VCPIP1: variants seen among roughly 807,000 people sequenced by gnomAD.
VCPIP1 encodes the protein valosin containing protein interacting protein 1.
A neutral mutation model predicts 85.0 loss-of-function variants in VCPIP1; 8 were observed. The ratio of observed to expected loss-of-function variants is 0.09; its 90% CI spans 0.06 to 0.17. The LOEUF is 0.17. Ranked by LOEUF, VCPIP1 falls within the 10% of genes least tolerant of loss-of-function variation. VCPIP1 has a pLI of 1.00. For synonymous variants in VCPIP1, 543 were observed against 544.5 expected (o/e 1.00, Z 0.04); for missense variants, 1,070 against 1,486.3 (o/e 0.72, Z 4.61).
rs1810862879 is a variant in VCPIP1, at chr8:66,634,365, A to G, written c.*136T>C. On this transcript the variant is annotated 3_prime_UTR_variant, in exon 3 of 3. Coordinates refer to ENST00000310421, the MANE Select transcript of VCPIP1 (RefSeq NM_025054.5). ...TATGGCCAATCACACACTTGCTATC[A>G]TGCACTGAATAACAAGATATAATCT... 9.7e-7 allele frequency: 1 copy of G among 1,034,378 alleles called. No homozygotes were observed. Among genetic ancestry groups the G allele is most frequent in the Non-Finnish European group, 1.4e-6 (1 of 726,966 alleles). 64.1% of individuals were successfully genotyped at this position (1,034,378 alleles called of 1,614,324 possible). A position where few individuals can be genotyped will look rare whatever the true frequency, so the allele number is the denominator to read the frequency against.
At chr8:66,636,787 G>A (rs914193582) in intron 2 of VCPIP1, among the ~76,000 whole-genome samples, 7 of 151,778 alleles carry the variant, frequency 4.6e-5, no homozygotes, top group South Asian at 2.1e-4. Flanking sequence ...CCCAAGAGGC[G>A]GAGGCTGCAG....
At position 66,638,369 on chromosome 8, in the gene VCPIP1, C is replaced by T. The variant is rs1810909520; in HGVS notation, c.2798-2997G>A. On this transcript the variant is annotated intron_variant, in intron 2 of 2. Coordinates refer to ENST00000310421, the MANE Select transcript of VCPIP1 (RefSeq NM_025054.5). ...GGGTGTAGTGGCATATGCCTGTAGTCCCAGCAACCTGGAAGACTGAGGCAG... is the reference window on the plus strand; with the variant it reads ...GGGTGTAGTGGCATATGCCTGTAGTTCCAGCAACCTGGAAGACTGAGGCAG... 2.0e-5 allele frequency among the ~76,000 whole-genome samples: 3 copies of T among 151,986 alleles called. No individual in the cohort carries two copies. In the South Asian group the frequency reaches 6.2e-4, roughly 32 times the overall value.
In VCPIP1 at chr8:66,638,758, G is replaced by A. The variant is rs184893557; in HGVS notation, c.2798-3386C>T. Among the ~76,000 whole-genome samples, 810 of 152,086 alleles carry A rather than the reference G, an allele frequency of 5.3e-3. 5 individuals carry two copies. Among genetic ancestry groups the A allele is most frequent in the African/African-American group, 0.018 (753 of 41,462 alleles). On this transcript the variant is annotated intron_variant, in intron 2 of 2. Coordinates refer to ENST00000310421, the MANE Select transcript of VCPIP1 (RefSeq NM_025054.5). ...CACGCCACTGCACTCCAGCCTGGGC[G>A]ACAGAGCGAGACTCCTGTCTCAAAA...
chr8:66,651,099 C>T (rs1341709269), intron 2 of VCPIP1, among the ~76,000 whole-genome samples: 2 of 146,966 alleles, frequency 1.4e-5, no homozygotes, highest in Non-Finnish European at 3.0e-5. Context: ...GCAGGAGAAT[C>T]GCTTGAACCC....
At chr8:66,657,007 G>A (rs1166704493) in intron 1 of VCPIP1, among the ~76,000 whole-genome samples, 1 of 152,130 alleles carries the variant, frequency 6.6e-6, no homozygotes, top group Non-Finnish European at 1.5e-5. Context: ...CCGGGTTCAA[G>A]CAATTCTCGT....
Position 66,629,084 on chromosome 8 carries a change from A to T in VCPIP1, c.*5417T>A, listed in dbSNP as rs1056420605. 6.6e-6 allele frequency: 1 copy of T among 152,228 alleles called. No individual in the cohort carries two copies. 9.4% of individuals were successfully genotyped at this position (152,228 alleles called of 1,614,324 possible). ...TGAGGATTTATCCCACTTAATGGCA[A>T]CTGAACTCTACCACATTACATTAAC... is the stretch of plus-strand genomic sequence containing the variant. On this transcript the variant is annotated 3_prime_UTR_variant, in exon 3 of 3. Coordinates refer to ENST00000310421, the MANE Select transcript of VCPIP1 (RefSeq NM_025054.5).
Position 66,666,630 on chromosome 8 carries a change from G to A in VCPIP1, c.329C>T (p.Pro110Leu), listed in dbSNP as rs762704418. Residue 110 changes from proline to leucine, a missense_variant, in exon 1 of 3, where the codon CCC becomes CTC. Pro to Leu is a moderately conservative substitution (Grantham distance 98). Transcript: ENST00000310421. The surrounding 1 kb of genome is among the most constrained non-coding windows in gnomAD (Gnocchi z 6.3). ...RNALLGVTGA[P>L]KKNTELVKVM... ...CTTTACCAGTTCCGTGTTCTTCTTG[G>A]GTGCCCCCGTAACCCCGAGCAGCGC... 3 of 1,614,032 alleles carry A rather than the reference G, an allele frequency of 1.9e-6. No individual in the cohort carries two copies. The highest frequency in any genetic ancestry group is 2.7e-5 in the African/African-American group (2 of 74,914).
At chr8:66,651,080 GA>G (rs918310929) in intron 2 of VCPIP1, among the ~76,000 whole-genome samples, 7 of 149,170 alleles carry the variant, frequency 4.7e-5, no homozygotes, top group Non-Finnish European at 8.9e-5. Context: ...AGCTACTCGA[GA>G]AGCTGAGGCA....
intron 1 of VCPIP1, among the ~76,000 whole-genome samples, chr8:66,659,429 A>G (rs1200029788): frequency 4.6e-5 from 7 of 152,188 alleles, no homozygotes; most frequent in Non-Finnish European, 7.3e-5. Flanking sequence ...AATGTAAAAT[A>G]TTATGGGTAA....
chr8:66,661,409 C>A (rs1442694236), intron 1 of VCPIP1, among the ~76,000 whole-genome samples: 14 of 152,132 alleles, frequency 9.2e-5, no homozygotes, highest in Non-Finnish European at 1.0e-4. Flanking sequence ...AGTATTTATA[C>A]ACCAGAATTA....
intron 2 of VCPIP1, among the ~76,000 whole-genome samples, chr8:66,641,515 G>A (rs1276734612): frequency 6.6e-6 from 1 of 152,040 alleles, no homozygotes; most frequent in African/African-American, 2.4e-5. Context: ...ATGAGCTACT[G>A]TGCATAGCCA....
In VCPIP1 at chr8:66,665,518, G is replaced by T; in HGVS notation, c.1441C>A (p.Pro481Thr). 2 of 1,614,112 alleles carry T rather than the reference G, an allele frequency of 1.2e-6. No individual in the cohort carries two copies. The highest frequency in any genetic ancestry group is 1.7e-6 in the Non-Finnish European group (2 of 1,179,982). Reference protein sequence around the residue: ...LCGALSELHVPPEWLAPGGKL... With the variant: ...LCGALSELHVTPEWLAPGGKL... The stretch of plus-strand genomic sequence containing the variant: ...CCTCCAGGAGCCAACCACTCTGGAG[G>T]AACATGAAGTTCAGAAAGGGCACCA... The change falls in exon 1 of 3, where the codon CCT (proline) becomes ACT (threonine). Residue 481 changes from proline to threonine, a missense_variant. Transcript: ENST00000310421. This position sits in a 1 kb window ranked among gnomAD's most constrained non-coding sequence, Gnocchi z 4.3.
chr8:66,637,274 C>G (rs1810896698), intron 2 of VCPIP1, among the ~76,000 whole-genome samples: 1 of 151,974 alleles, frequency 6.6e-6, no homozygotes, highest in African/African-American at 2.4e-5. Flanking sequence ...TCACTGAGCT[C>G]TGGAGTTTTA....
intron 1 of VCPIP1, among the ~76,000 whole-genome samples, chr8:66,654,725 C>A (rs1811083414): frequency 6.6e-6 from 1 of 152,200 alleles, no homozygotes; most frequent in African/African-American, 2.4e-5. Flanking sequence ...GCATTTCTCT[C>A]CAACCCTCCT....
In VCPIP1 at chr8:66,665,155, C is replaced by T; in HGVS notation, c.1804G>A (p.Val602Met). ...FPITLEWGGR[V>M]VRETVYWFQY... ...AACCAATATACTGTTTCTCTGACCA[C>T]TCTTCCACCCCATTCTAAAGTAATA... Residue 602 changes from valine (V) to methionine (M), a missense_variant, in exon 1 of 3, where the codon GTG becomes ATG. Physicochemically the swap from Val to Met is conservative, Grantham distance 21. Coordinates refer to ENST00000310421, the MANE Select transcript of VCPIP1 (RefSeq NM_025054.5). The surrounding 1 kb of genome is among the most constrained non-coding windows in gnomAD (Gnocchi z 4.3). 1.2e-6 allele frequency: 2 copies of T among 1,611,548 alleles called. No individual in the cohort carries two copies. Among genetic ancestry groups the T allele is most frequent in the Non-Finnish European group, 8.5e-7 (1 of 1,178,308 alleles).
intron 1 of VCPIP1, among the ~76,000 whole-genome samples, chr8:66,655,691 A>G (rs1458536521): frequency 6.6e-6 from 1 of 151,546 alleles, no homozygotes; most frequent in Non-Finnish European, 1.5e-5. Context: ...ACAAAATAAT[A>G]GCAAAAAAAA....
intron 1 of VCPIP1, among the ~76,000 whole-genome samples, chr8:66,652,422 T>C (rs540651266): frequency 1.8e-4 from 28 of 152,212 alleles, no homozygotes; most frequent in African/African-American, 6.7e-4. Flanking sequence ...GAGACCAGCC[T>C]GGCCAACATG....
chr8:66,635,445 A>G (rs1810875161), intron 2 of VCPIP1, 73 bp from the exon 3 acceptor site: 1 of 1,355,896 alleles, frequency 7.4e-7, no homozygotes, highest in African/African-American at 1.5e-5. Flanking sequence ...AGACAATTAT[A>G]GTTAAAATAA....
intron 2 of VCPIP1, among the ~76,000 whole-genome samples, chr8:66,639,509 C>G (rs1810927179): frequency 6.6e-6 from 1 of 151,158 alleles, no homozygotes; most frequent in Admixed American, 6.6e-5. Flanking sequence ...GGCCTGCCAC[C>G]ATACACAACA....
Sources: gnomAD v4.1 joint callset for allele counts (sites outside exome capture counted in the v4.1 genomes callset) on GRCh38, gnomAD v4.1.1 for gene constraint, Gnocchi (gnomAD v3.1) non-coding constraint, MANE v1.5 for transcripts, NCBI Gene and HGNC (gene_info 2026-07-23, HGNC 2026-07-21) for gene names.